Variants in PI4KA observed in about 807,000 individuals in gnomAD.
PI4KA encodes phosphatidylinositol 4-kinase alpha.
In PI4KA, 122 loss-of-function variants were observed where a neutral mutation model predicts 271.4. The ratio of observed to expected loss-of-function variants is 0.45; its 90% CI spans 0.39 to 0.52. The LOEUF (loss-of-function observed/expected upper bound fraction) is 0.52. Ranked by LOEUF, PI4KA falls within the 20% of genes least tolerant of loss-of-function variation. PI4KA has a pLI of 0.00. For synonymous variants in PI4KA, 1,041 were observed against 1,078.8 expected (o/e 0.96, Z 0.69); for missense variants, 1,969 against 2,769.1 (o/e 0.71, Z 6.48).
At chr22:20,774,999 T>C (rs1205309344) in intron 19 of PI4KA, among the ~76,000 whole-genome samples, 1 of 152,104 alleles carries the variant, frequency 6.6e-6, no homozygotes, top group Non-Finnish European at 1.5e-5. Context: ...TTTTTGGAAG[T>C]TTGAACTTAC....
Position 20,834,636 on chromosome 22 carries a change from G to A in PI4KA, c.293C>T (p.Pro98Leu), listed in dbSNP as rs749395618. 5 of 1,603,418 alleles carry A rather than the reference G, an allele frequency of 3.1e-6. No individual in the cohort carries two copies. Among genetic ancestry groups the A allele is most frequent in the Non-Finnish European group, 4.3e-6 (5 of 1,170,592 alleles). ...SDLQHKDCVV[P>L]YLLRLLKGLP... The stretch of plus-strand genomic sequence containing the variant: ...ACCTTTGAGAAGTCGAAGAAGGTAA[G>A]GAACCACACAATCTTTGTGCTAAAA... Residue 98 changes from proline (P) to leucine (L), a missense_variant, in exon 3 of 55, where the codon CCT becomes CTT. Coordinates refer to ENST00000255882, the MANE Select transcript of PI4KA (RefSeq NM_058004.4).
At chr22:20,822,666 C>A (rs1447386810) in intron 4 of PI4KA, among the ~76,000 whole-genome samples, 2 of 152,184 alleles carry the variant, frequency 1.3e-5, no homozygotes, top group African/African-American at 4.8e-5. Flanking sequence ...CCCTCCAAAC[C>A]ATTTGGCCCT....
chr22:20,742,740 C>T lies in PI4KA; in HGVS notation c.3481G>A (p.Gly1161Ser), dbSNP rs1322334639. The T allele has an allele frequency of 3.7e-6, 6 of 1,614,162 alleles. No homozygotes were observed. The South Asian group carries it at 4.4e-5, about 12-fold the overall frequency. Residue 1161 changes from glycine (G) to serine (S), a missense_variant, in exon 31 of 55, where the codon GGC (glycine) becomes AGC (serine). By Grantham distance (56) the Gly-to-Ser change is moderately conservative. Coordinates refer to ENST00000255882, the MANE Select transcript of PI4KA (RefSeq NM_058004.4). The stretch of plus-strand genomic sequence containing the variant: ...AGGTCAGACATCTGGCCTGTGGTGC[C>T]TGAGAACCGAATCATTCCATACACC... Reference protein sequence around the residue: ...GEVYGMIRFSGTTGQMSDLNK... With the variant: ...GEVYGMIRFSSTTGQMSDLNK...
intron 32 of PI4KA, among the ~76,000 whole-genome samples, chr22:20,741,872 T>C (rs185914679): frequency 2.4e-4 from 36 of 152,314 alleles, no homozygotes; most frequent in Non-Finnish European, 1.5e-5. Context: ...GAAAGGGGGC[T>C]GATCCCAAGA....
At chr22:20,832,568 C>T (rs1158445980) in intron 3 of PI4KA, among the ~76,000 whole-genome samples, 1 of 152,152 alleles carries the variant, frequency 6.6e-6, no homozygotes, top group Admixed American at 6.5e-5. Flanking sequence ...ATTCTCCTGC[C>T]TCAGCCACGC....
rs570752430 is a variant in PI4KA, at chr22:20,717,351, C to T, written c.5317+357G>A. Among the ~76,000 whole-genome samples, 255 of 152,298 alleles carry T rather than the reference C, an allele frequency of 1.7e-3. 1 individual carries two copies. The highest frequency in any genetic ancestry group is 1.8e-3 in the Non-Finnish European group (123 of 68,020). On this transcript the variant is annotated intron_variant, in intron 45 of 54. Transcript: ENST00000255882. ...CTGATGGGTCCCAGCACACCTGAGC[C>T]GTCCCACACTGGGCCCGCCATCCCC...
chr22:20,765,457 T>A, intron 20 of PI4KA, 128 bp downstream of exon 20: 1 of 770,998 alleles, frequency 1.3e-6, no homozygotes, highest in Non-Finnish European at 2.2e-6. Context: ...TTGCTAATAC[T>A]TGCAGAAAGA....
At chr22:20,772,202 C>A (rs781598462) in intron 19 of PI4KA, among the ~76,000 whole-genome samples, 2 of 152,218 alleles carry the variant, frequency 1.3e-5, no homozygotes, top group Non-Finnish European at 2.9e-5. Context: ...ATACTGAGAG[C>A]TGGAGGCCAA....
At chr22:20,857,307 G>C (rs1387590398) in intron 1 of PI4KA, among the ~76,000 whole-genome samples, 2 of 152,158 alleles carry the variant, frequency 1.3e-5, no homozygotes, top group African/African-American at 2.4e-5. Context: ...TCTTTAGCTA[G>C]AAGTCAGGTT....
chr22:20,731,155 C>T (rs58515109), intron 36 of PI4KA, among the ~76,000 whole-genome samples: 4,943 of 151,902 alleles, frequency 0.033, 99 homozygotes, highest in Middle Eastern at 0.062. Flanking sequence ...CTCTAGCCTG[C>T]GCGACAGAAT....
Position 20,765,150 on chromosome 22 carries a change from G to A in PI4KA, c.2524C>T (p.Arg842Trp), listed in dbSNP as rs750795479. 4.3e-6 allele frequency: 7 copies of A among 1,613,754 alleles called. No homozygotes were observed. The highest frequency in any genetic ancestry group is 5.9e-6 in the Non-Finnish European group (7 of 1,179,712). ...LLTFPSKEPL[R>W]SVLQYNSAMK... is the part of the protein sequence containing the mutation. The stretch of plus-strand genomic sequence containing the variant: ...GCTGAGTTATACTGGAGGACGGACC[G>A]CAGTGGCTCCTTGCTGGGAAAGGTG... Residue 842 changes from arginine (R) to tryptophan (W), a missense_variant, in exon 21 of 55, where the codon CGG (arginine) becomes TGG (tryptophan). By Grantham distance (101) the Arg-to-Trp change is moderately radical. Coordinates refer to ENST00000255882, the MANE Select transcript of PI4KA (RefSeq NM_058004.4).
At chr22:20,765,287 G>A in intron 20 of PI4KA, 51 bp from the exon 21 acceptor site, 2 of 1,537,512 alleles carry the variant, frequency 1.3e-6, no homozygotes, top group Non-Finnish European at 1.8e-6. Flanking sequence ...GGAAAGCACT[G>A]CAGTGAGGTT....
chr22:20,791,593 C>CA (rs1002040370), intron 19 of PI4KA, among the ~76,000 whole-genome samples: 11 of 151,780 alleles, frequency 7.2e-5, no homozygotes, highest in Non-Finnish European at 1.5e-4. Flanking sequence ...CCTATCTCTA[C>CA]AAAAAAATAG....
At chr22:20,841,812 G>C (rs1374923838) in intron 1 of PI4KA, among the ~76,000 whole-genome samples, 1 of 152,186 alleles carries the variant, frequency 6.6e-6, no homozygotes, top group Non-Finnish European at 1.5e-5. Context: ...AGGCAGAAGA[G>C]GGAGTCAGAG....
chr22:20,846,854 A>AG (rs1926325898), intron 1 of PI4KA, among the ~76,000 whole-genome samples: 1 of 150,112 alleles, frequency 6.7e-6, no homozygotes. Flanking sequence ...AAAAAAAAAA[A>AG]AAAGGGTGGG....
At chr22:20,722,649 A>C (rs1041057072) in intron 42 of PI4KA, among the ~76,000 whole-genome samples, 1 of 152,152 alleles carries the variant, frequency 6.6e-6, no homozygotes, top group Non-Finnish European at 1.5e-5. Flanking sequence ...TCCTAGAGCC[A>C]TAAGTTTTGA....
At chr22:20,843,948 T>A (rs1452151270) in intron 1 of PI4KA, among the ~76,000 whole-genome samples, 2 of 152,150 alleles carry the variant, frequency 1.3e-5, no homozygotes, top group East Asian at 3.9e-4. Flanking sequence ...GCCTCTTCCA[T>A]GGTTTTGACC....
intron 1 of PI4KA, among the ~76,000 whole-genome samples, chr22:20,841,161 T>C (rs1661992017): frequency 6.6e-6 from 1 of 152,098 alleles, no homozygotes. Flanking sequence ...ATTACAGGCA[T>C]GAGCCATCGC....
chr22:20,842,033 T>C (rs1235267774), intron 1 of PI4KA, among the ~76,000 whole-genome samples: 4 of 152,000 alleles, frequency 2.6e-5, no homozygotes, highest in Admixed American at 1.3e-4. Flanking sequence ...CTAGCCAACA[T>C]TGTGAAACCC....
Sources: allele counts gnomAD v4.1 joint callset (sites outside exome capture counted in the v4.1 genomes callset), GRCh38; gene constraint gnomAD v4.1.1; transcripts MANE v1.5; gene names NCBI Gene and HGNC (gene_info 2026-07-23, HGNC 2026-07-21).